Variants in MOGAT2 observed in about 807,000 individuals in gnomAD.
MOGAT2 encodes the protein 2-acylglycerol O-acyltransferase 2.
In MOGAT2, 27 loss-of-function variants were observed where a neutral mutation model predicts 31.5. The observed-to-expected ratio is 0.86, with a 90% CI of 0.63 to 1.18. MOGAT2 has a LOEUF of 1.18. Ranked by LOEUF, MOGAT2 falls within the 50% of genes most tolerant of loss-of-function variation. The pLI is 0.00. For synonymous variants in MOGAT2, 163 were observed against 170.0 expected, an observed-to-expected ratio of 0.96 and a Z score of 0.32; for missense variants, 436 against 433.2, an observed-to-expected ratio of 1.01 and a Z score of -0.06.
intron 5 of MOGAT2, 111 bp downstream of exon 5, chr11:75,729,100 C>T: frequency 3.1e-6 from 3 of 978,834 alleles, no homozygotes; most frequent in Non-Finnish European, 3.2e-6. Flanking sequence ...ATGGGGCTCA[C>T]ATTCTAGACT....
intron 2 of MOGAT2, among the ~76,000 whole-genome samples, chr11:75,725,989 T>A (rs1328177424): frequency 6.6e-6 from 1 of 152,194 alleles, no homozygotes; most frequent in Admixed American, 6.5e-5. Context: ...CCCACAGCGA[T>A]AGTCTTTGTA....
chr11:75,730,719 T>C (rs954548090), intron 5 of MOGAT2, among the ~76,000 whole-genome samples: 9 of 151,922 alleles, frequency 5.9e-5, no homozygotes, highest in African/African-American at 1.9e-4. Context: ...GACCAGCCTG[T>C]CCAATGTGGT....
rs995964134 is a variant in MOGAT2 at position 75,732,491 on chromosome 11, C to A, written c.*1205C>A. On this transcript the variant is annotated 3_prime_UTR_variant, in exon 6 of 6. Transcript: ENST00000198801. ...GACGGAACATGTCCACTTCCAGGCC[C>A]GAGCTTCTCAGCCTGCCGTTTGCCA... The A allele has an allele frequency of 3.9e-5, 6 of 152,258 alleles. No homozygotes were observed. The highest frequency in any genetic ancestry group is 1.3e-4 in the Admixed American group (2 of 15,278). The allele number at this position is 152,258 out of a possible 1,614,324, so 9.4% of individuals were successfully genotyped here. A position where few individuals can be genotyped will look rare whatever the true frequency, so the allele number is the denominator to read the frequency against.
intron 1 of MOGAT2, 135 bp from the exon 2 acceptor site, chr11:75,719,857 G>A (rs1944361018): frequency 2.4e-6 from 2 of 844,580 alleles, no homozygotes; most frequent in East Asian, 2.5e-5. Flanking sequence ...GGAAGCTGCT[G>A]TCTTCCTCCT....
chr11:75,718,974 C>CTG (rs1944353339), intron 1 of MOGAT2, among the ~76,000 whole-genome samples: 1 of 150,634 alleles, frequency 6.6e-6, no homozygotes, highest in African/African-American at 2.5e-5. Flanking sequence ...CTTTCTCTCT[C>CTG]TCTCTCTCAC....
rs766273873 is a variant in MOGAT2 at position 75,728,983 on chromosome 11, A to T, written c.844A>T (p.Thr282Ser). ...GLIPYRRPIT[T>S]VVGKPIEVQK... ...AATACCCTACCGCCGGCCCATCACCACTGTGGGTAAGTCCAGGACCAGGCT... is the reference window on the plus strand; with the variant it reads ...AATACCCTACCGCCGGCCCATCACCTCTGTGGGTAAGTCCAGGACCAGGCT... Residue 282 changes from threonine (T) to serine (S), a missense_variant, in exon 5 of 6, where the codon ACT becomes TCT. Transcript: ENST00000198801. The T allele has an allele frequency of 4.3e-6, 7 of 1,613,452 alleles. No individual in the cohort carries two copies. Among genetic ancestry groups the T allele is most frequent in the Non-Finnish European group, 2.5e-6 (3 of 1,180,014 alleles).
intron 2 of MOGAT2, 89 bp downstream of exon 2, chr11:75,720,259 G>A: frequency 7.0e-7 from 1 of 1,427,232 alleles, no homozygotes; most frequent in South Asian, 1.3e-5. Flanking sequence ...GGAGAATATG[G>A]CCCTGCATGC....
At chr11:75,728,660 C>T in intron 4 of MOGAT2, 130 bp from the exon 5 acceptor site, 2 of 759,854 alleles carry the variant, frequency 2.6e-6, no homozygotes, top group South Asian at 3.3e-5. Context: ...CAGGCCTCCA[C>T]CTCCAGCCCA....
At chr11:75,727,033 T>C (rs1385574144) in intron 2 of MOGAT2, among the ~76,000 whole-genome samples, 2 of 152,144 alleles carry the variant, frequency 1.3e-5, no homozygotes, top group African/African-American at 4.8e-5. Context: ...AGCATGGCGG[T>C]GCCTCCATGT....
chr11:75,723,402 TG>T (rs1323155765), intron 2 of MOGAT2, among the ~76,000 whole-genome samples: 1 of 152,228 alleles, frequency 6.6e-6, no homozygotes, highest in East Asian at 1.9e-4. Flanking sequence ...GCTGGGCCTG[TG>T]GGGTGGGGCT....
intron 5 of MOGAT2, 127 bp downstream of exon 5, chr11:75,729,116 A>G: frequency 1.2e-6 from 1 of 815,566 alleles, no homozygotes; most frequent in South Asian, 1.6e-5. Flanking sequence ...AGACTGGGAA[A>G]CATACACACA....
chr11:75,730,442 C>A (rs1944465518), intron 5 of MOGAT2, among the ~76,000 whole-genome samples: 1 of 152,212 alleles, frequency 6.6e-6, no homozygotes, highest in Non-Finnish European at 1.5e-5. Flanking sequence ...AGGGCACATC[C>A]CTGGGGTCTA....
At chr11:75,723,983 A>AC (rs1944398399) in intron 2 of MOGAT2, among the ~76,000 whole-genome samples, 1 of 151,772 alleles carries the variant, frequency 6.6e-6, no homozygotes, top group South Asian at 2.1e-4. Flanking sequence ...TTCTTTGTTT[A>AC]CCCCCCTTGA....
intron 4 of MOGAT2, chr11:75,728,425 A>G (rs979127373): frequency 8.6e-6 from 5 of 584,056 alleles, no homozygotes; most frequent in African/African-American, 7.4e-5. Flanking sequence ...TATTTGGGGT[A>G]CATTTCAGAG....
chr11:75,730,925 A>AAAAAAAG (rs1555054055), intron 5 of MOGAT2: 7 of 265,614 alleles, frequency 2.6e-5, no homozygotes, highest in African/African-American at 1.7e-4. Flanking sequence ...AAAAAAAAAA[A>AAAAAAAG]AAAAGAAAAG....
intron 2 of MOGAT2, among the ~76,000 whole-genome samples, chr11:75,721,676 G>A (rs186342525): frequency 6.6e-6 from 1 of 152,190 alleles, no homozygotes; most frequent in East Asian, 1.9e-4. Flanking sequence ...TCGAGTCTGG[G>A]GAGGACTCTG....
At chr11:75,721,106 T>C (rs1252513925) in intron 2 of MOGAT2, among the ~76,000 whole-genome samples, 1 of 152,010 alleles carries the variant, frequency 6.6e-6, no homozygotes, top group Non-Finnish European at 1.5e-5. Context: ...ATATGGCCCG[T>C]GGAGACAGGC....
intron 5 of MOGAT2, among the ~76,000 whole-genome samples, chr11:75,729,558 A>G (rs1369238656): frequency 6.6e-6 from 1 of 152,096 alleles, no homozygotes; most frequent in African/African-American, 2.4e-5. Context: ...TACAGGCATG[A>G]GCCACCGCGC....
chr11:75,720,690 T>C (rs995071310), intron 2 of MOGAT2, among the ~76,000 whole-genome samples: 1 of 152,090 alleles, frequency 6.6e-6, no homozygotes, highest in African/African-American at 2.4e-5. Context: ...TGTTCTCAGA[T>C]CCTACCCTGA....
Sources: gnomAD v4.1 joint callset for allele counts (sites outside exome capture counted in the v4.1 genomes callset) on GRCh38, gnomAD v4.1.1 for gene constraint, MANE v1.5 for transcripts, NCBI Gene and HGNC (gene_info 2026-07-23, HGNC 2026-07-21) for gene names.